The following PDLIM5 variants were observed in gnomAD, a reference collection of about 807,000 sequenced individuals.
The protein encoded by PDLIM5 is PDZ and LIM domain 5, also known as PDZ and LIM domain protein 5.
Under a neutral mutation model 64.2 loss-of-function variants are expected in PDLIM5, and 34 were observed. That is an observed-to-expected ratio of 0.53 (90% CI 0.40 to 0.71). PDLIM5 has a LOEUF of 0.71. Ranked by LOEUF, PDLIM5 falls within the 30% of genes least tolerant of loss-of-function variation. PDLIM5 has a pLI of 0.00. For synonymous variants in PDLIM5, 253 were observed against 269.1 expected (o/e 0.94, Z 0.59); for missense variants, 683 against 733.6 (o/e 0.93, Z 0.80).
chr4:94,452,615 C>T (rs906734539), intron 1 of PDLIM5, among the ~76,000 whole-genome samples: 6 of 152,232 alleles, frequency 3.9e-5, no homozygotes, highest in African/African-American at 1.2e-4. Context: ...TTTGTTAACA[C>T]TTGAGTACTT....
intron 5 of PDLIM5, among the ~76,000 whole-genome samples, chr4:94,576,476 A>G (rs948713965): frequency 1.3e-5 from 2 of 152,174 alleles, no homozygotes; most frequent in African/African-American, 2.4e-5. Flanking sequence ...TTTTTTTTCT[A>G]GGAGGTAATC....
chr4:94,607,721 C>A (rs913856197), intron 7 of PDLIM5, among the ~76,000 whole-genome samples: 7 of 152,132 alleles, frequency 4.6e-5, no homozygotes, highest in Non-Finnish European at 1.0e-4. Context: ...TGGTATTGGG[C>A]AACTTAATTA....
intron 3 of PDLIM5, among the ~76,000 whole-genome samples, chr4:94,524,332 A>C (rs987897597): frequency 3.4e-5 from 5 of 145,434 alleles, no homozygotes; most frequent in African/African-American, 1.3e-4. Context: ...TCGTGCCACC[A>C]CACTCCAGTC....
intron 3 of PDLIM5, among the ~76,000 whole-genome samples, chr4:94,569,461 A>C (rs1734620491): frequency 6.6e-6 from 1 of 152,110 alleles, no homozygotes; most frequent in African/African-American, 2.4e-5. Context: ...CTGAGACTAC[A>C]GGCACATGCT....
chr4:94,582,703 T>C (rs971805855), intron 5 of PDLIM5: 18 of 1,568,026 alleles, frequency 1.1e-5, no homozygotes, highest in Non-Finnish European at 1.5e-5. Context: ...TTGTGTGTGT[T>C]ATTCTTCCCT....
At chr4:94,523,049 A>G (rs1414857252) in intron 2 of PDLIM5, among the ~76,000 whole-genome samples, 4 of 152,358 alleles carry the variant, frequency 2.6e-5, no homozygotes, top group African/African-American at 9.6e-5. Context: ...ATGTAAACAC[A>G]TAGAAGATTT....
Position 94,654,443 on chromosome 4 carries a change from T to A in PDLIM5, c.1284-17T>A. 1 of 1,566,948 alleles carries A rather than the reference T, an allele frequency of 6.4e-7. No individual in the cohort carries two copies. The highest frequency in any genetic ancestry group is 8.8e-7 in the Non-Finnish European group (1 of 1,139,916). Reference sequence around the variant, plus strand: ...ATTTTATTCTCAAACTTAGTTGGCCTCTTTTTCTTCTGTCAGAGGACCATT... The same window carrying A: ...ATTTTATTCTCAAACTTAGTTGGCCACTTTTTCTTCTGTCAGAGGACCATT... On this transcript the variant is annotated splice_polypyrimidine_tract_variant and intron_variant, in intron 9 of 12. Transcript: ENST00000317968.
At chr4:94,552,910 C>T (rs1295406510) in intron 3 of PDLIM5, among the ~76,000 whole-genome samples, 5 of 151,962 alleles carry the variant, frequency 3.3e-5, no homozygotes, top group African/African-American at 9.7e-5. Flanking sequence ...GATAAGGTGA[C>T]TTTGGTAGTC....
intron 7 of PDLIM5, among the ~76,000 whole-genome samples, chr4:94,589,996 C>T (rs1000465693): frequency 9.9e-5 from 15 of 152,010 alleles, no homozygotes; most frequent in African/African-American, 3.6e-4. Context: ...AGGCTGGTCT[C>T]GAACTCCTGA....
intron 7 of PDLIM5, among the ~76,000 whole-genome samples, chr4:94,600,913 C>G (rs1289217602): frequency 6.6e-6 from 1 of 152,070 alleles, no homozygotes; most frequent in African/African-American, 2.4e-5. Context: ...TCAAAGAATA[C>G]TCTAGATAAC....
intron 2 of PDLIM5, among the ~76,000 whole-genome samples, chr4:94,467,938 A>G (rs1390977049): frequency 1.3e-5 from 2 of 152,218 alleles, no homozygotes; most frequent in African/African-American, 4.8e-5. Context: ...CAGCTTCCCT[A>G]TCTTCACATC....
At chr4:94,572,084 A>G (rs576785833) in intron 3 of PDLIM5, among the ~76,000 whole-genome samples, 1 of 152,226 alleles carries the variant, frequency 6.6e-6, no homozygotes, top group South Asian at 2.1e-4. Flanking sequence ...TTATACTCAT[A>G]GAGACCGAAT....
chr4:94,571,903 G>A (rs1287011471), intron 3 of PDLIM5, among the ~76,000 whole-genome samples: 4 of 152,182 alleles, frequency 2.6e-5, no homozygotes, highest in Non-Finnish European at 5.9e-5. Flanking sequence ...ACACATAGAA[G>A]GTTGTGCAAC....
chr4:94,598,700 A>G (rs750045964), intron 7 of PDLIM5, among the ~76,000 whole-genome samples: 5 of 152,134 alleles, frequency 3.3e-5, no homozygotes, highest in Non-Finnish European at 7.4e-5. Flanking sequence ...CAGACATGCA[A>G]TGAAAAAGGA....
chr4:94,520,676 G>T (rs184443543), intron 2 of PDLIM5, among the ~76,000 whole-genome samples: 4 of 152,270 alleles, frequency 2.6e-5, no homozygotes, highest in South Asian at 4.1e-4. Context: ...TTGTTTTTCT[G>T]TGTATTGGGC....
At chr4:94,510,738 T>C (rs1327690597) in intron 2 of PDLIM5, among the ~76,000 whole-genome samples, 1 of 152,144 alleles carries the variant, frequency 6.6e-6, no homozygotes, top group Non-Finnish European at 1.5e-5. Context: ...CTGGCCACAG[T>C]GGCTCACACC....
In PDLIM5 at chr4:94,474,231, C is replaced by A. The variant is rs569302952; in HGVS notation, c.96+18847C>A. Among the ~76,000 whole-genome samples, 88 of 152,204 alleles carry A rather than the reference C, an allele frequency of 5.8e-4. 1 individual carries two copies. The highest frequency in any genetic ancestry group is 2.0e-3 in the African/African-American group (84 of 41,552). ...TCAGTGGATGATCATTAAAACATTT[C>A]ATTTACATCTTTTTTATTGTTGTTT... On this transcript the variant is annotated intron_variant, in intron 2 of 12. Transcript: ENST00000317968.
chr4:94,657,458 A>G lies in PDLIM5; in HGVS notation c.1496A>G (p.His499Arg). The G allele has an allele frequency of 6.2e-7, 1 of 1,604,086 alleles. No homozygotes were observed. The highest frequency in any genetic ancestry group is 8.5e-7 in the Non-Finnish European group (1 of 1,171,100). ...ATCAGTGCGTTGAAACAAACTTGGC[A>G]TGTTTCCTGTTTTGTGTGTGTAGCC... ...EVISALKQTW[H>R]VSCFVCVACG... The change falls in exon 11 of 13, where the codon CAT becomes CGT. Residue 499 changes from histidine to arginine, a missense_variant. Physicochemically the swap from His to Arg is conservative, Grantham distance 29. Coordinates refer to ENST00000317968, the MANE Select transcript of PDLIM5 (RefSeq NM_006457.5).
chr4:94,599,598 G>A (rs867792744), intron 7 of PDLIM5, among the ~76,000 whole-genome samples: 1 of 152,152 alleles, frequency 6.6e-6, no homozygotes, highest in African/African-American at 2.4e-5. Flanking sequence ...TTAGGGGAAT[G>A]TATCATTAAA....
Sources: allele counts gnomAD v4.1 joint callset (sites outside exome capture counted in the v4.1 genomes callset), GRCh38; gene constraint gnomAD v4.1.1; transcripts MANE v1.5; gene names NCBI Gene and HGNC (gene_info 2026-07-23, HGNC 2026-07-21).